The following PBRM1 variants were observed in gnomAD, a reference collection of about 807,000 sequenced individuals.
The protein encoded by PBRM1 is polybromo 1.
In PBRM1, 27 loss-of-function variants were observed where a neutral mutation model predicts 194.5. The ratio of observed to expected loss-of-function variants is 0.14; its 90% CI spans 0.10 to 0.19. The LOEUF (loss-of-function observed/expected upper bound fraction) is 0.19. Ranked by LOEUF, PBRM1 falls within the 10% of genes least tolerant of loss-of-function variation. The pLI is 1.00. For synonymous variants in PBRM1, 655 were observed against 693.2 expected, an observed-to-expected ratio of 0.94 and a Z score of 0.87; for missense variants, 1,466 against 2,077.2, an observed-to-expected ratio of 0.71 and a Z score of 5.72.
At chr3:52,666,461 G>A (rs35976524) in intron 3 of PBRM1, among the ~76,000 whole-genome samples, 40,884 of 151,852 alleles carry the variant, frequency 0.27, 6,897 homozygotes, top group East Asian at 0.43. Flanking sequence ...GCGTGAACCT[G>A]GAAGGCAGAG....
chr3:52,609,732 G>A lies in PBRM1; in HGVS notation c.2148C>T (p.Asn716=). 1 of 1,609,980 alleles carries A rather than the reference G, an allele frequency of 6.2e-7. No homozygotes were observed. Among genetic ancestry groups the A allele is most frequent in the South Asian group, 1.1e-5 (1 of 90,414 alleles). The change falls in exon 16 of 30, where the codon AAC becomes AAT. Residue 716 remains asparagine (N), a synonymous_variant. Coordinates refer to ENST00000296302, the Ensembl canonical transcript of PBRM1. This position sits in a 1 kb window ranked among gnomAD's most constrained non-coding sequence, Gnocchi z 4.1. The stretch of plus-strand genomic sequence containing the variant: ...CCATAGAGTCAATATCTTGGTACTT[G>A]TTGGCCATCATGTGACTTCGAATTT...
At chr3:52,575,672 A>ATTTT (rs35495289) in intron 22 of PBRM1, among the ~76,000 whole-genome samples, 1 of 122,558 alleles carries the variant, frequency 8.2e-6, no homozygotes, top group Non-Finnish European at 1.7e-5. Context: ...TGCCCAAATA[A>ATTTT]TTTTTTTTTT....
chr3:52,565,755 A>G (rs1008884127), intron 22 of PBRM1, among the ~76,000 whole-genome samples: 1 of 152,116 alleles, frequency 6.6e-6, no homozygotes, highest in Non-Finnish European at 1.5e-5. Flanking sequence ...CAATAGGCAC[A>G]TGAAACAATG....
intron 3 of PBRM1, among the ~76,000 whole-genome samples, chr3:52,664,461 C>T (rs915247082): frequency 6.7e-6 from 1 of 148,178 alleles, no homozygotes; most frequent in African/African-American, 2.5e-5. Flanking sequence ...AGACGCTGGG[C>T]GCGGTGGCTC....
chr3:52,662,790 C>T (rs1318751695), intron 3 of PBRM1, among the ~76,000 whole-genome samples: 2 of 148,758 alleles, frequency 1.3e-5, no homozygotes, highest in Admixed American at 1.3e-4. Context: ...TGCGCCACTG[C>T]ACTCCAGCCT....
chr3:52,640,762 C>T (rs955339026), intron 10 of PBRM1, among the ~76,000 whole-genome samples: 5 of 151,952 alleles, frequency 3.3e-5, no homozygotes, highest in Admixed American at 2.0e-4. Context: ...CTAAGCCTTC[C>T]GAGTAGCTGA....
At chr3:52,635,233 T>TA (rs2095762656) in intron 10 of PBRM1, among the ~76,000 whole-genome samples, 1 of 151,728 alleles carries the variant, frequency 6.6e-6, no homozygotes, top group African/African-American at 2.4e-5. Context: ...GGCCCTTTTT[T>TA]AAAAAAATTC....
At chr3:52,665,516 A>C (rs889018503) in intron 3 of PBRM1, among the ~76,000 whole-genome samples, 1 of 152,146 alleles carries the variant, frequency 6.6e-6, no homozygotes, top group Non-Finnish European at 1.5e-5. Flanking sequence ...AACAACTACC[A>C]GTCCATGGCC....
At chr3:52,627,535 C>G (rs2095484109) in intron 12 of PBRM1, among the ~76,000 whole-genome samples, 165 bp from the exon 14 acceptor site, 1 of 152,142 alleles carries the variant, frequency 6.6e-6, no homozygotes, top group Non-Finnish European at 1.5e-5. Context: ...CCAATTTTAA[C>G]AAAAGCCTGC....
intron 20 of PBRM1, 114 bp downstream of exon 22, chr3:52,586,311 G>A (rs1353931204): frequency 4.8e-6 from 4 of 839,208 alleles, no homozygotes; most frequent in Non-Finnish European, 7.5e-6. Flanking sequence ...TTCCTGTTTG[G>A]CTAAGGTTTT....
At chr3:52,641,191 G>A (rs2096064336) in intron 10 of PBRM1, among the ~76,000 whole-genome samples, 1 of 151,980 alleles carries the variant, frequency 6.6e-6, no homozygotes, top group South Asian at 2.1e-4. Flanking sequence ...CAGGCGTGGT[G>A]TAATCCCAGC....
downstream of PBRM1, chr3:52,547,843 T>C (rs2079876310): frequency 2.3e-6 from 1 of 440,590 alleles, no homozygotes; most frequent in Non-Finnish European, 4.0e-6. Context: ...AGGAAACATA[T>C]GCAAAAAAAT....
At chr3:52,642,627 A>C (rs1440056515) in intron 9 of PBRM1, among the ~76,000 whole-genome samples, 3 of 145,826 alleles carry the variant, frequency 2.1e-5, no homozygotes, top group African/African-American at 4.9e-5. Flanking sequence ...AAAAAAAAAA[A>C]ACCAAAAACC....
intron 22 of PBRM1, among the ~76,000 whole-genome samples, chr3:52,574,097 A>G (rs542858995): frequency 1.3e-5 from 2 of 152,336 alleles, no homozygotes; most frequent in Admixed American, 6.5e-5. Context: ...TTGTGCTGCT[A>G]TAACAGAATA....
At chr3:52,659,719 G>A (rs1210233254) in intron 4 of PBRM1, among the ~76,000 whole-genome samples, 1 of 152,162 alleles carries the variant, frequency 6.6e-6, no homozygotes, top group Non-Finnish European at 1.5e-5. Context: ...CACCGCACCA[G>A]ACCCAAGAAA....
At chr3:52,651,885 C>A in intron 5 of PBRM1, 75 bp from the exon 7 acceptor site, 2 of 965,546 alleles carry the variant, frequency 2.1e-6, no homozygotes, top group Non-Finnish European at 3.2e-6. Context: ...AGTACATTGA[C>A]AATCTGTTGT....
In PBRM1 at chr3:52,616,554, G is replaced by A. The variant is rs148703303; in HGVS notation, c.1818+708C>T. ...TAAAAGTACAAAAAATTAGCTGGGC[G>A]TGGTGGTGGGCACCTGTAGTCCCAG... is the stretch of plus-strand genomic sequence containing the variant. On this transcript the variant is annotated intron_variant, in intron 14 of 29. Coordinates refer to ENST00000296302, the Ensembl canonical transcript of PBRM1. 7.8e-4 allele frequency among the ~76,000 whole-genome samples: 118 copies of A among 152,224 alleles called. 1 individual carries two copies. The highest frequency in any genetic ancestry group is 2.3e-3 in the African/African-American group (94 of 41,536).
chr3:52,605,216 T>G (rs2094269735), intron 16 of PBRM1, among the ~76,000 whole-genome samples: 1 of 152,126 alleles, frequency 6.6e-6, no homozygotes, highest in African/African-American at 2.4e-5. Context: ...CTGGCTAATT[T>G]TAAAATTTTT....
At chr3:52,601,007 C>T (rs2093952384) in intron 17 of PBRM1, among the ~76,000 whole-genome samples, 1 of 152,140 alleles carries the variant, frequency 6.6e-6, no homozygotes, top group Non-Finnish European at 1.5e-5. Flanking sequence ...TAATTATTTC[C>T]TTGCTTTTTC....
Sources: allele counts gnomAD v4.1 joint callset (sites outside exome capture counted in the v4.1 genomes callset), GRCh38; gene constraint gnomAD v4.1.1; non-coding constraint Gnocchi (gnomAD v3.1); transcripts MANE v1.5; gene names NCBI Gene and HGNC (gene_info 2026-07-23, HGNC 2026-07-21).